The following CBFA2T2 variants were observed in gnomAD, a reference collection of about 807,000 sequenced individuals.
CBFA2T2 encodes CBFA2/RUNX1 partner transcriptional co-repressor 2, also known as protein CBFA2T2.
CBFA2T2 carries 11 observed loss-of-function variants against 62.2 expected under a neutral mutation model. That is an observed-to-expected ratio of 0.18 (90% CI 0.11 to 0.29). The LOEUF is 0.29. Ranked by LOEUF, CBFA2T2 falls within the 10% of genes least tolerant of loss-of-function variation. The probability of loss-of-function intolerance (pLI) is 1.00; values close to 1 mark genes in which losing one functional copy is unlikely to be tolerated. For missense variants in CBFA2T2, 592 were observed against 774.1 expected, an observed-to-expected ratio of 0.76 and a Z score of 2.79; for synonymous variants, 295 against 287.5, an observed-to-expected ratio of 1.03 and a Z score of -0.27.
At chr20:33,593,893 G>A (rs1174786524) in intron 1 of CBFA2T2, among the ~76,000 whole-genome samples, 5 of 152,114 alleles carry the variant, frequency 3.3e-5, no homozygotes, top group East Asian at 1.9e-4. Flanking sequence ...GGCCCCCAAC[G>A]GTCCCAGGAC....
At chr20:33,520,208 C>G (rs774506920) in intron 1 of CBFA2T2, among the ~76,000 whole-genome samples, 3 of 151,972 alleles carry the variant, frequency 2.0e-5, no homozygotes, top group Non-Finnish European at 4.4e-5. Flanking sequence ...TTTGATATAG[C>G]ACAAACTTTG....
chr20:33,570,488 G>A (rs1325292104), intron 1 of CBFA2T2, among the ~76,000 whole-genome samples: 2 of 152,138 alleles, frequency 1.3e-5, no homozygotes, highest in African/African-American at 4.8e-5. Context: ...TTGAAAGGTA[G>A]GGAAGTCAGT....
At chr20:33,514,220 T>TG (rs2011561216) in intron 1 of CBFA2T2, among the ~76,000 whole-genome samples, 1 of 132,380 alleles carries the variant, frequency 7.6e-6, no homozygotes. Context: ...TTTTTTTTTT[T>TG]TTTTTTTTTT....
intron 1 of CBFA2T2, among the ~76,000 whole-genome samples, chr20:33,517,450 GTGTTT>G (rs941806288): frequency 8.5e-5 from 11 of 129,126 alleles, no homozygotes; most frequent in African/African-American, 2.6e-4. Context: ...GGTTTTTTTG[GTGTTT>G]TTTTTTTTTT....
chr20:33,550,247 T>C lies in CBFA2T2; in HGVS notation c.35-56709T>C, dbSNP rs150088766. ...CAGGGGCAATAATTTTTAATACTTA[T>C]TAGCAAAGTAGTCTTGAAATTATTA... On this transcript the variant is annotated intron_variant, in intron 1 of 10. Coordinates refer to ENST00000342704, the MANE Select transcript of CBFA2T2 (RefSeq NM_001032999.3). 2.2e-4 allele frequency among the ~76,000 whole-genome samples: 33 copies of C among 152,328 alleles called. No individual in the cohort carries two copies. The East Asian group carries it at 6.2e-3, about 28-fold the overall frequency.
chr20:33,640,794 T>C (rs2016807521), intron 10 of CBFA2T2, among the ~76,000 whole-genome samples: 1 of 152,172 alleles, frequency 6.6e-6, no homozygotes, highest in South Asian at 2.1e-4. Flanking sequence ...TGGTGTAAAT[T>C]TTGAGAATTC....
At chr20:33,619,409 A>G (rs1418517119) in intron 3 of CBFA2T2, 108 bp from the exon 4 acceptor site, 2 of 500,434 alleles carry the variant, frequency 4.0e-6, no homozygotes, top group Non-Finnish European at 6.3e-6. Context: ...TCCATCTCAA[A>G]TAAATAAATA....
intron 1 of CBFA2T2, among the ~76,000 whole-genome samples, chr20:33,577,585 G>A (rs1302061412): frequency 6.6e-6 from 1 of 152,210 alleles, no homozygotes; most frequent in Admixed American, 6.5e-5. Flanking sequence ...GAACTATATA[G>A]TAGAATGTGA....
intron 1 of CBFA2T2, among the ~76,000 whole-genome samples, chr20:33,521,011 G>A (rs564145875): frequency 1.4e-5 from 2 of 146,590 alleles, no homozygotes; most frequent in African/African-American, 5.1e-5. Flanking sequence ...ATTTTCAGCT[G>A]CCATCCTAGA....
chr20:33,531,327 T>G (rs2012054753), intron 1 of CBFA2T2, among the ~76,000 whole-genome samples: 1 of 152,122 alleles, frequency 6.6e-6, no homozygotes, highest in African/African-American at 2.4e-5. Context: ...TAACTAAAGC[T>G]CAGAGCGGGG....
rs915158847 is a variant in CBFA2T2, at chr20:33,564,739, C to T, written c.35-42217C>T. Among the ~76,000 whole-genome samples, 16 of 151,374 alleles carry T rather than the reference C, an allele frequency of 1.1e-4. 1 individual carries two copies. Among genetic ancestry groups the T allele is most frequent in the Non-Finnish European group, 2.4e-4 (16 of 67,976 alleles). ...GGACCACAGGCACGCACCACCACGC[C>T]CAGCTAATTTTGGTAGTTTTTATAC... On this transcript the variant is annotated intron_variant, in intron 1 of 10. Coordinates refer to ENST00000342704, the MANE Select transcript of CBFA2T2 (RefSeq NM_001032999.3).
At chr20:33,520,906 A>ACG (rs1446679275) in intron 1 of CBFA2T2, among the ~76,000 whole-genome samples, 9 of 151,252 alleles carry the variant, frequency 6.0e-5, no homozygotes, top group African/African-American at 2.2e-4. Flanking sequence ...TTACACACGC[A>ACG]CGCGCACACA....
intron 1 of CBFA2T2, among the ~76,000 whole-genome samples, chr20:33,576,170 G>T (rs2013818350): frequency 6.6e-6 from 1 of 152,136 alleles, no homozygotes; most frequent in Admixed American, 6.5e-5. Context: ...TACCAGGGAG[G>T]ACTTGGAGTT....
Position 33,646,509 on chromosome 20 carries a change from G to A in CBFA2T2, c.*1863G>A, listed in dbSNP as rs1183778512. 1 of 152,112 alleles carries A rather than the reference G, an allele frequency of 6.6e-6. No individual in the cohort carries two copies. Among genetic ancestry groups the A allele is most frequent in the Admixed American group, 6.5e-5 (1 of 15,272 alleles). 9.4% of individuals were successfully genotyped at this position (152,112 alleles called of 1,614,324 possible). On this transcript the variant is annotated 3_prime_UTR_variant, in exon 11 of 11. Transcript: ENST00000342704. ...AAGTTGTCAGTACCATAAAGGAAAA[G>A]GGATCCACACAGGTAGCCTTCTCCT...
At chr20:33,590,338 ATTTT>A in intron 1 of CBFA2T2, among the ~76,000 whole-genome samples, 1 of 152,016 alleles carries the variant, frequency 6.6e-6, no homozygotes, top group Non-Finnish European at 1.5e-5. Flanking sequence ...CCCTAAGGTA[ATTTT>A]TTTTAAGTAC....
At position 33,642,112 on chromosome 20, in the gene CBFA2T2, TTTTTTGTGTGTGTGTGTG is replaced by T. The variant is rs1458768364; in HGVS notation, c.1488+1583_1488+1600del. Among the ~76,000 whole-genome samples, 298 of 74,616 alleles carry T rather than the reference TTTTTTGTGTGTGTGTGTG, an allele frequency of 4.0e-3. 6 individuals are homozygous for T. Among genetic ancestry groups the T allele is most frequent in the Middle Eastern group, 0.012 (2 of 172 alleles). 49.0% of individuals were successfully genotyped at this position (74,616 alleles called of 152,430 possible). A position where few individuals can be genotyped will look rare whatever the true frequency, so the allele number is the denominator to read the frequency against. Reference sequence around the variant, plus strand: ...TCTCTCCTCCTCCTTTGTCTTTTTTTTTTTTGTGTGTGTGTGTGTGTGTGTGTGTGTGTGTGTGTGTGT... The same window carrying T: ...TCTCTCCTCCTCCTTTGTCTTTTTTTTGTGTGTGTGTGTGTGTGTGTGTGT... On this transcript the variant is annotated intron_variant, in intron 10 of 10. Transcript: ENST00000342704.
chr20:33,535,915 T>C (rs2146873428), intron 1 of CBFA2T2, among the ~76,000 whole-genome samples: 1 of 152,298 alleles, frequency 6.6e-6, no homozygotes, highest in Admixed American at 6.5e-5. Flanking sequence ...ACGAAGCACA[T>C]CTTGCACCGC....
intron 4 of CBFA2T2, among the ~76,000 whole-genome samples, chr20:33,622,205 G>A (rs893534289): frequency 6.6e-6 from 1 of 152,028 alleles, no homozygotes; most frequent in Non-Finnish European, 1.5e-5. Flanking sequence ...GGTTGTTATG[G>A]CAGCTTTTTG....
chr20:33,539,803 C>T (rs2012362784), intron 1 of CBFA2T2, among the ~76,000 whole-genome samples: 1 of 151,828 alleles, frequency 6.6e-6, no homozygotes, highest in Non-Finnish European at 1.5e-5. Flanking sequence ...CCTCCCACCT[C>T]AGCATCCTGA....
Sources: gnomAD v4.1 joint callset for allele counts (sites outside exome capture counted in the v4.1 genomes callset) on GRCh38, gnomAD v4.1.1 for gene constraint, MANE v1.5 for transcripts, NCBI Gene and HGNC (gene_info 2026-07-23, HGNC 2026-07-21) for gene names.